Variants in NEBL observed in about 807,000 individuals in gnomAD.
The protein encoded by NEBL is LIM and SH3 protein 2.
A neutral mutation model predicts 140.2 loss-of-function variants in NEBL; 122 were observed. The ratio of observed to expected loss-of-function variants is 0.87; its 90% CI spans 0.75 to 1.01. The LOEUF is 1.01. NEBL is among the 50% of genes least tolerant of loss of function. NEBL has a pLI of 0.00. For missense variants in NEBL, 1,365 were observed against 1,231.3 expected, an observed-to-expected ratio of 1.11 and a Z score of -1.62; for synonymous variants, 436 against 398.9, an observed-to-expected ratio of 1.09 and a Z score of -1.11.
intron 2 of NEBL, among the ~76,000 whole-genome samples, chr10:21,053,419 G>A (rs603790): frequency 0.51 from 77,564 of 152,036 alleles, 22,018 homozygotes; most frequent in African/African-American, 0.79. Flanking sequence ...AAACAGGCAA[G>A]AATATTATCT....
At chr10:21,061,431 G>T (rs1835298013) in intron 2 of NEBL, among the ~76,000 whole-genome samples, 1 of 146,258 alleles carries the variant, frequency 6.8e-6, no homozygotes, top group Middle Eastern at 3.8e-3. Flanking sequence ...ATATTGCATG[G>T]TGTATGATAT....
At chr10:21,031,816 T>G (rs1330695467) in intron 2 of NEBL, among the ~76,000 whole-genome samples, 1 of 152,216 alleles carries the variant, frequency 6.6e-6, no homozygotes, top group Non-Finnish European at 1.5e-5. Context: ...GGACAGAGTA[T>G]ACACATACTC....
intron 7 of NEBL, among the ~76,000 whole-genome samples, chr10:20,861,040 T>G (rs1373476596): frequency 6.6e-6 from 1 of 151,670 alleles, no homozygotes; most frequent in African/African-American, 2.4e-5. Flanking sequence ...GCAAGAACTC[T>G]TTAAAAAAAG....
intron 2 of NEBL, among the ~76,000 whole-genome samples, chr10:21,135,725 C>A (rs1411109352): frequency 6.6e-6 from 1 of 152,150 alleles, no homozygotes; most frequent in African/African-American, 2.4e-5. Context: ...ACCACATGGG[C>A]TTCTGTACAG....
At chr10:21,070,109 G>A (rs991165754) in intron 2 of NEBL, 2 of 394,972 alleles carry the variant, frequency 5.1e-6, no homozygotes, top group South Asian at 1.9e-5. Flanking sequence ...TAGCTGCAGG[G>A]GGACTTTTCG....
At chr10:21,156,236 C>T (rs1840332829) in intron 2 of NEBL, among the ~76,000 whole-genome samples, 1 of 152,138 alleles carries the variant, frequency 6.6e-6, no homozygotes, top group Admixed American at 6.5e-5. Context: ...GAGAGTTTTC[C>T]ATTTGGCATC....
chr10:20,961,746 C>T (rs771020592), exon 4 of NEBL: 1 of 1,613,876 alleles, frequency 6.2e-7, no homozygotes, highest in East Asian at 2.2e-5. Flanking sequence ...AAGCCCCTCC[C>T]TTTGCTTTCT....
intron 3 of NEBL, among the ~76,000 whole-genome samples, chr10:20,987,116 C>T (rs932572446): frequency 3.3e-5 from 5 of 151,732 alleles, no homozygotes; most frequent in African/African-American, 7.3e-5. Context: ...GCTATTATAC[C>T]ATGTTGCTAT....
chr10:20,855,230 A>G (rs1273024044), intron 9 of NEBL, among the ~76,000 whole-genome samples: 2 of 151,398 alleles, frequency 1.3e-5, no homozygotes, highest in Admixed American at 6.6e-5. Context: ...TCCGTCTTAA[A>G]AAAAAAAAAA....
intron 1 of NEBL, among the ~76,000 whole-genome samples, chr10:21,257,633 C>T (rs1842675529): frequency 6.6e-6 from 1 of 152,180 alleles, no homozygotes; most frequent in African/African-American, 2.4e-5. Context: ...CGCCTGTAAT[C>T]CCAGCACTTT....
At chr10:20,822,661 ATATATAGAGACTATAGATATATAG>A (rs1839450459) in intron 19 of NEBL, among the ~76,000 whole-genome samples, 1 of 89,938 alleles carries the variant, frequency 1.1e-5, no homozygotes, top group Non-Finnish European at 2.8e-5. Flanking sequence ...CTATATATAG[ATATATAGAGACTATAGATATATAG>A]ATATATAGAG....
intron 2 of NEBL, among the ~76,000 whole-genome samples, chr10:21,031,280 C>T (rs1355765038): frequency 6.6e-6 from 1 of 152,176 alleles, no homozygotes; most frequent in Non-Finnish European, 1.5e-5. Context: ...AGAAAGCTGC[C>T]ACCACAACTA....
intron 2 of NEBL, among the ~76,000 whole-genome samples, chr10:21,153,218 G>A (rs1840209451): frequency 1.3e-5 from 2 of 152,238 alleles, no homozygotes; most frequent in South Asian, 4.1e-4. Flanking sequence ...AATTGAGGTT[G>A]GAGAGATGAA....
intron 2 of NEBL, among the ~76,000 whole-genome samples, chr10:21,166,219 C>CAAAAAAAAAAAAAAAAAAA: frequency 2.8e-5 from 1 of 35,378 alleles, no homozygotes; most frequent in Non-Finnish European, 6.2e-5. Context: ...GACTGTGTCT[C>CAAAAAAAAAAAAAAAAAAA]AAAAAAAAAA....
At chr10:21,097,606 T>A (rs1837251602) in intron 2 of NEBL, among the ~76,000 whole-genome samples, 1 of 152,224 alleles carries the variant, frequency 6.6e-6, no homozygotes, top group Admixed American at 6.5e-5. Context: ...CTATTCTGGT[T>A]ACATCATTAC....
rs573960595 is a variant in NEBL at position 21,271,544 on chromosome 10, T to C, written n.183-19716A>G. Among the ~76,000 whole-genome samples, 294 of 150,720 alleles carry C rather than the reference T, an allele frequency of 2.0e-3. 2 individuals carry two copies. Among genetic ancestry groups the C allele is most frequent in the African/African-American group, 6.6e-3 (270 of 40,856 alleles). ...AACAGATCTTTTTTTTTTTTTTTTC[T>C]AGATGGAGTTCCACTTTGTCATCCA... On this transcript the variant is annotated intron_variant and non_coding_transcript_variant, in intron 1 of 8. Coordinates refer to the NEBL transcript ENST00000675702.
At chr10:20,946,646 G>T (rs928470607) in intron 4 of NEBL, among the ~76,000 whole-genome samples, 17 of 152,142 alleles carry the variant, frequency 1.1e-4, no homozygotes, top group Non-Finnish European at 2.4e-4. Flanking sequence ...ATGTTTGGTA[G>T]AGACGAGGTT....
intron 2 of NEBL, among the ~76,000 whole-genome samples, chr10:21,149,091 G>T (rs1840033124): frequency 6.6e-6 from 1 of 152,124 alleles, no homozygotes; most frequent in African/African-American, 2.4e-5. Flanking sequence ...TTCCCTCTGT[G>T]TCTAATCACA....
chr10:21,190,496 A>C (rs747617350), intron 3 of NEBL, among the ~76,000 whole-genome samples: 19 of 152,150 alleles, frequency 1.2e-4, no homozygotes, highest in African/African-American at 3.1e-4. Flanking sequence ...ATTAAAAAAC[A>C]ACCAAAAAAC....
Sources: gnomAD v4.1 joint callset for allele counts (sites outside exome capture counted in the v4.1 genomes callset) on GRCh38, gnomAD v4.1.1 for gene constraint, MANE v1.5 for transcripts, NCBI Gene and HGNC (gene_info 2026-07-23, HGNC 2026-07-21) for gene names.